The following AGBL1 variants were observed in gnomAD, a reference collection of about 807,000 sequenced individuals.
AGBL1 encodes cytosolic carboxypeptidase 4.
Under a neutral mutation model 118.9 loss-of-function variants are expected in AGBL1, and 130 were observed. The ratio of observed to expected loss-of-function variants is 1.09; its 90% confidence interval spans 0.95 to 1.26. AGBL1 has a LOEUF of 1.26. AGBL1 is among the 50% of genes most tolerant of loss of function. AGBL1 has a pLI of 0.00. For missense variants in AGBL1, 1,584 were observed against 1,298.1 expected, an observed-to-expected ratio of 1.22 and a Z score of -3.38; for synonymous variants, 555 against 478.9, an observed-to-expected ratio of 1.16 and a Z score of -2.08.
chr15:86,877,306 G>A (rs2141521356), intron 22 of AGBL1, among the ~76,000 whole-genome samples: 1 of 152,204 alleles, frequency 6.6e-6, no homozygotes, highest in South Asian at 2.1e-4. Flanking sequence ...CAGGTGCCCA[G>A]CCCTGCCCCA....
intron 18 of AGBL1, among the ~76,000 whole-genome samples, chr15:86,438,922 A>C (rs1396380417): frequency 6.6e-6 from 1 of 151,950 alleles, no homozygotes; most frequent in African/African-American, 2.4e-5. Context: ...CGGCCTCCCA[A>C]AGTGCTGGGA....
intron 19 of AGBL1, among the ~76,000 whole-genome samples, chr15:86,532,675 A>G (rs1596234718): frequency 6.6e-6 from 1 of 151,672 alleles, no homozygotes; most frequent in African/African-American, 2.4e-5. Context: ...CCAAAAGAAC[A>G]AAGCTGGAGG....
At chr15:86,612,816 T>G (rs563061311) in intron 21 of AGBL1, among the ~76,000 whole-genome samples, 1 of 152,328 alleles carries the variant, frequency 6.6e-6, no homozygotes, top group South Asian at 2.1e-4. Flanking sequence ...CCGGCTGGCC[T>G]GAAGGCTTTA....
chr15:87,006,088 G>T (rs191798789), intron 24 of AGBL1, among the ~76,000 whole-genome samples: 17 of 152,302 alleles, frequency 1.1e-4, no homozygotes, highest in Admixed American at 5.2e-4. Context: ...GCCGTTTGAG[G>T]TATCAGTCTG....
intron 21 of AGBL1, among the ~76,000 whole-genome samples, chr15:86,574,163 G>A (rs897060892): frequency 1.3e-5 from 2 of 152,244 alleles, no homozygotes; most frequent in Non-Finnish European, 2.9e-5. Context: ...GCTATTGCTG[G>A]ATAGGCTGTA....
chr15:86,350,553 T>C (rs1178977532), intron 17 of AGBL1, among the ~76,000 whole-genome samples: 1 of 152,240 alleles, frequency 6.6e-6, no homozygotes, highest in Non-Finnish European at 1.5e-5. Flanking sequence ...TTTTCTCTAG[T>C]AGCAGTAGTA....
chr15:86,254,831 G>A (rs1419595349), intron 7 of AGBL1, among the ~76,000 whole-genome samples: 1 of 152,152 alleles, frequency 6.6e-6, no homozygotes, highest in African/African-American at 2.4e-5. Flanking sequence ...TGTTGACAAA[G>A]GAATTCAAGA....
chr15:86,404,536 G>T (rs2081495860), intron 18 of AGBL1, among the ~76,000 whole-genome samples: 1 of 152,140 alleles, frequency 6.6e-6, no homozygotes, highest in African/African-American at 2.4e-5. Flanking sequence ...ATAATGACAT[G>T]CAGCAGTGGC....
intron 22 of AGBL1, among the ~76,000 whole-genome samples, chr15:86,761,662 C>G (rs998807335): frequency 3.9e-5 from 6 of 151,990 alleles, no homozygotes; most frequent in African/African-American, 7.2e-5. Flanking sequence ...CATTTGTGCA[C>G]TTTTTAATGG....
intron 21 of AGBL1, among the ~76,000 whole-genome samples, chr15:86,561,660 C>G (rs2083823118): frequency 6.6e-6 from 1 of 152,044 alleles, no homozygotes. Flanking sequence ...GCTATATGAA[C>G]TTTAAAGTAG....
intron 22 of AGBL1, among the ~76,000 whole-genome samples, chr15:86,828,599 T>A (rs1330915616): frequency 2.0e-5 from 3 of 152,002 alleles, no homozygotes; most frequent in African/African-American, 7.3e-5. Context: ...AAGTAGAAGA[T>A]CTAGAAAAGG....
intron 21 of AGBL1, among the ~76,000 whole-genome samples, chr15:86,611,186 A>G (rs1316497601): frequency 6.6e-6 from 1 of 152,196 alleles, no homozygotes; most frequent in African/African-American, 2.4e-5. Context: ...TGATATAGGT[A>G]TGCTCAGGGT....
intron 22 of AGBL1, among the ~76,000 whole-genome samples, chr15:86,904,761 A>G (rs1450908139): frequency 4.0e-5 from 6 of 150,960 alleles, no homozygotes; most frequent in African/African-American, 1.5e-4. Flanking sequence ...TATAATCCAT[A>G]TATAAAAATA....
At chr15:86,162,508 C>A (rs1466933778) in intron 5 of AGBL1, among the ~76,000 whole-genome samples, 2 of 152,204 alleles carry the variant, frequency 1.3e-5, no homozygotes, top group South Asian at 4.1e-4. Context: ...ATGTCACTAA[C>A]CCTCTGTGGC....
intron 22 of AGBL1, among the ~76,000 whole-genome samples, chr15:86,879,127 G>A (rs966800771): frequency 1.3e-5 from 2 of 152,258 alleles, no homozygotes; most frequent in African/African-American, 4.8e-5. Flanking sequence ...TGTCTGGCAG[G>A]TGGCAGCTTC....
chr15:86,397,412 G>A lies in AGBL1; in HGVS notation c.2421G>A (p.Glu807=). The A allele has an allele frequency of 1.2e-6, 2 of 1,613,058 alleles. No individual in the cohort carries two copies. Among genetic ancestry groups the A allele is most frequent in the Middle Eastern group, 1.7e-4 (1 of 6,052 alleles). The change falls in exon 18 of 23, where the codon GAG becomes GAA. Residue 807 remains glutamate, a synonymous_variant. Transcript: ENST00000614907. Reference sequence around the variant, plus strand: ...TCACTGCTCGAGTTCATCCAGGAGAGAGCAATGCCAGTTGGGTGATGAAGG... The same window carrying A: ...TCACTGCTCGAGTTCATCCAGGAGAAAGCAATGCCAGTTGGGTGATGAAGG... ...QVITARVHPG[E]SNASWVMKGT...
chr15:86,460,987 C>T (rs2082327799), intron 18 of AGBL1, among the ~76,000 whole-genome samples: 1 of 152,172 alleles, frequency 6.6e-6, no homozygotes, highest in Non-Finnish European at 1.5e-5. Flanking sequence ...TGATTTCCAC[C>T]CCAGAAGTTC....
intron 22 of AGBL1, among the ~76,000 whole-genome samples, chr15:86,817,013 C>T (rs146238573): frequency 0.012 from 1,863 of 152,092 alleles, 26 homozygotes; most frequent in Middle Eastern, 0.061. Context: ...AGATCCCAGA[C>T]CTCTTAAGCC....
At chr15:86,412,281 C>T (rs997401266) in intron 18 of AGBL1, among the ~76,000 whole-genome samples, 8 of 152,190 alleles carry the variant, frequency 5.3e-5, no homozygotes, top group Admixed American at 5.2e-4. Flanking sequence ...AGAGTTAGAC[C>T]ATTTTTCTTT....
Sources: gnomAD v4.1 joint callset for allele counts (sites outside exome capture counted in the v4.1 genomes callset) on GRCh38, gnomAD v4.1.1 for gene constraint, MANE v1.5 for transcripts, NCBI Gene and HGNC (gene_info 2026-07-23, HGNC 2026-07-21) for gene names.